Variants in ANKRD30B observed in about 807,000 individuals in gnomAD.
The protein encoded by ANKRD30B is ankyrin repeat domain-containing protein 30B.
ANKRD30B carries 144 observed loss-of-function variants against 202.2 expected under a neutral mutation model. The observed-to-expected ratio is 0.71, with a 90% confidence interval of 0.62 to 0.82. The LOEUF is 0.82. ANKRD30B is among the 40% of genes least tolerant of loss of function. The pLI is 0.00. For missense variants in ANKRD30B, 1,487 were observed against 1,669.1 expected, an observed-to-expected ratio of 0.89 and a Z score of 1.90; for synonymous variants, 508 against 561.3, an observed-to-expected ratio of 0.91 and a Z score of 1.34.
chr18:14,782,896 C>T lies in ANKRD30B; in HGVS notation c.1570+282C>T, dbSNP rs1364000308. Among the ~76,000 whole-genome samples the T allele has an allele frequency of 2.6e-5, 4 of 152,034 alleles. No individual in the cohort carries two copies. The East Asian group carries it at 7.7e-4, about 29-fold the overall frequency. Reference sequence around the variant, plus strand: ...AAAAGGAGTAAAAAGGGAATGAAGACTAAGGAAGGCAGAGAGAGTACAGGG... The same window carrying T: ...AAAAGGAGTAAAAAGGGAATGAAGATTAAGGAAGGCAGAGAGAGTACAGGG... On this transcript the variant is annotated intron_variant, in intron 12 of 43. Coordinates refer to ENST00000690538, the MANE Select transcript of ANKRD30B (RefSeq NM_001367607.2).
At chr18:14,940,653 G>T in the ANKRD30B span, among the ~76,000 whole-genome samples, 2 of 152,144 alleles carry the variant, frequency 1.3e-5, no homozygotes, top group Non-Finnish European at 2.9e-5. Flanking sequence ...TGATAAAGAA[G>T]GAAAGTCCCT....
chr18:14,893,613 CAAAA>C, the ANKRD30B span, among the ~76,000 whole-genome samples: 3 of 126,902 alleles, frequency 2.4e-5, no homozygotes, highest in East Asian at 4.4e-4. Flanking sequence ...CTCCATCTCA[CAAAA>C]AAAAAAAAAA....
chr18:14,785,760 C>T (rs1390974383), intron 14 of ANKRD30B, among the ~76,000 whole-genome samples: 2 of 152,136 alleles, frequency 1.3e-5, no homozygotes, highest in East Asian at 3.9e-4. Flanking sequence ...ATGCTGAGAT[C>T]ACAGGTTAAA....
intron 34 of ANKRD30B, among the ~76,000 whole-genome samples, chr18:14,835,686 A>G (rs1971139734): frequency 1.3e-5 from 2 of 151,798 alleles, no homozygotes; most frequent in South Asian, 4.2e-4. Context: ...CTCCAATTTT[A>G]AACTACCATC....
At chr18:14,832,046 T>A (rs1970971506) in intron 34 of ANKRD30B, among the ~76,000 whole-genome samples, 2 of 151,874 alleles carry the variant, frequency 1.3e-5, no homozygotes, top group African/African-American at 4.9e-5. Context: ...GTTCTTTAAT[T>A]AAACACCAAA....
chr18:14,927,668 T>A, the ANKRD30B span, among the ~76,000 whole-genome samples: 1 of 152,152 alleles, frequency 6.6e-6, no homozygotes, highest in Non-Finnish European at 1.5e-5. Context: ...CTTTAAGATA[T>A]TAAATATTTT....
chr18:14,784,195 A>G, intron 12 of ANKRD30B, 141 bp from the exon 13 acceptor site: 1 of 825,176 alleles, frequency 1.2e-6, no homozygotes, highest in Non-Finnish European at 1.9e-6. Flanking sequence ...TCCTAAACAA[A>G]CCAAAAGAAA....
At chr18:14,827,065 G>T in intron 32 of ANKRD30B, among the ~76,000 whole-genome samples, 1 of 152,120 alleles carries the variant, frequency 6.6e-6, no homozygotes, top group East Asian at 1.9e-4. Context: ...GGTAGGAGTT[G>T]TCATGTGGTG....
At chr18:14,839,874 C>CAAAAAAAA (rs569621606) in intron 36 of ANKRD30B, among the ~76,000 whole-genome samples, 2 of 152,040 alleles carry the variant, frequency 1.3e-5, no homozygotes, top group African/African-American at 4.8e-5. Flanking sequence ...AGTTTTTAAC[C>CAAAAAAAA]AAAAAAACTA....
chr18:14,809,417 A>G (rs1969772250), intron 26 of ANKRD30B, among the ~76,000 whole-genome samples: 1 of 150,946 alleles, frequency 6.6e-6, no homozygotes, highest in South Asian at 2.1e-4. Context: ...ATGTGAAGCT[A>G]GACAACTGGT....
the ANKRD30B span, among the ~76,000 whole-genome samples, chr18:14,911,482 A>G: frequency 6.6e-6 from 1 of 152,056 alleles, no homozygotes; most frequent in Non-Finnish European, 1.5e-5. Context: ...TCATTGGTCT[A>G]TGGGTCTATT....
intron 12 of ANKRD30B, among the ~76,000 whole-genome samples, chr18:14,783,104 A>C (rs1371402741): frequency 6.6e-6 from 1 of 152,116 alleles, no homozygotes; most frequent in Admixed American, 6.5e-5. Flanking sequence ...ACTACTGGGG[A>C]GGCATTAGGA....
the ANKRD30B span, among the ~76,000 whole-genome samples, chr18:14,936,850 G>A: frequency 1.3e-5 from 2 of 152,204 alleles, no homozygotes; most frequent in African/African-American, 4.8e-5. Context: ...GCCAGGCTGG[G>A]AGCCAGCAGC....
intron 20 of ANKRD30B, among the ~76,000 whole-genome samples, chr18:14,798,648 C>T (rs1024256205): frequency 6.6e-6 from 1 of 152,056 alleles, no homozygotes; most frequent in South Asian, 2.1e-4. Flanking sequence ...CAGGCACCCC[C>T]CTCCGTGCGT....
intron 30 of ANKRD30B, among the ~76,000 whole-genome samples, chr18:14,818,827 T>A (rs866143114): frequency 0.011 from 1,746 of 152,182 alleles, 40 homozygotes; most frequent in African/African-American, 0.04. Flanking sequence ...AACATACGTG[T>A]GCATGTGTCG....
At chr18:14,898,316 CTG>C in the ANKRD30B span, among the ~76,000 whole-genome samples, 2 of 152,088 alleles carry the variant, frequency 1.3e-5, no homozygotes, top group Non-Finnish European at 2.9e-5. Flanking sequence ...CAGGATGAAA[CTG>C]TTCCACTTCA....
At chr18:14,810,251 T>C in intron 28 of ANKRD30B, 71 bp downstream of exon 28, 1 of 982,198 alleles carries the variant, frequency 1.0e-6, no homozygotes, top group Non-Finnish European at 1.4e-6. Flanking sequence ...GAGAGCCTTT[T>C]ATTCCCAAAG....
chr18:14,847,050 T>TTATATATATATA (rs56871571), intron 39 of ANKRD30B, among the ~76,000 whole-genome samples: 15 of 111,112 alleles, frequency 1.3e-4, no homozygotes, highest in South Asian at 6.7e-4. Flanking sequence ...TGATTTAGTT[T>TTATATATATATA]TATATATATA....
the ANKRD30B span, among the ~76,000 whole-genome samples, chr18:14,881,953 C>T: frequency 6.6e-6 from 1 of 152,036 alleles, no homozygotes; most frequent in Non-Finnish European, 1.5e-5. Flanking sequence ...TGTAATATCC[C>T]CTGTTTCATT....
Sources: allele counts gnomAD v4.1 joint callset (sites outside exome capture counted in the v4.1 genomes callset), GRCh38; gene constraint gnomAD v4.1.1; transcripts MANE v1.5; gene names NCBI Gene and HGNC (gene_info 2026-07-23, HGNC 2026-07-21).